Variants in GBGT1 observed in about 807,000 individuals in gnomAD.
GBGT1 encodes globoside alpha-1,3-N-acetylgalactosaminyltransferase 1.
A neutral mutation model predicts 20.9 loss-of-function variants in GBGT1; 18 were observed. The ratio of observed to expected loss-of-function variants is 0.86; its 90% CI spans 0.60 to 1.28. The LOEUF is 1.28. GBGT1 is among the 50% of genes most tolerant of loss of function. The pLI, the probability that GBGT1 is intolerant of heterozygous loss-of-function variation, is 0.00. For synonymous variants in GBGT1, 168 were observed against 180.8 expected (o/e 0.93, Z 0.57); for missense variants, 432 against 455.7 (o/e 0.95, Z 0.47).
chr9:133,158,810 CG>C (rs779274950), intron 3 of GBGT1, among the ~76,000 whole-genome samples: 2 of 152,168 alleles, frequency 1.3e-5, no homozygotes, highest in Non-Finnish European at 2.9e-5. Context: ...AAAGGAAGCT[CG>C]GTCCTCATTA....
intron 2 of GBGT1, among the ~76,000 whole-genome samples, chr9:133,162,090 CAG>C (rs975552512): frequency 6.7e-6 from 1 of 149,264 alleles, no homozygotes; most frequent in African/African-American, 2.5e-5. Context: ...TCTGCAGAGA[CAG>C]GGGGAGTCCT....
rs148054272 is a variant in GBGT1 at position 133,156,934 on chromosome 9, G to C, written c.138-869C>G. On this transcript the variant is annotated intron_variant, in intron 3 of 6. Coordinates refer to ENST00000372040, the MANE Select transcript of GBGT1 (RefSeq NM_021996.6). ...CTATATCAGTTGATTTTACATAAAA[G>C]AGAGTATCCTAGACAACCTGGGTGG... 3.5e-3 allele frequency among the ~76,000 whole-genome samples: 529 copies of C among 152,302 alleles called. 1 individual carries two copies. Among genetic ancestry groups the C allele is most frequent in the Non-Finnish European group, 6.0e-3 (406 of 68,022 alleles).
chr9:133,162,549 T>C lies in GBGT1; in HGVS notation c.-120-17A>G. 8 of 702,356 alleles carry C rather than the reference T, an allele frequency of 1.1e-5. No homozygotes were observed. The highest frequency in any genetic ancestry group is 2.3e-5 in the Admixed American group (1 of 43,598). 43.5% of individuals were successfully genotyped at this position (702,356 alleles called of 1,614,324 possible). A position where few individuals can be genotyped will look rare whatever the true frequency, so the allele number is the denominator to read the frequency against. On this transcript the variant is annotated splice_polypyrimidine_tract_variant and intron_variant, in intron 1 of 6. Transcript: ENST00000372040. ...CAGGAACACCTGCAAAGGAACACTT[T>C]TGTTGTTTTGAGATAGAGTTTCACT...
At chr9:133,161,420 G>T in intron 3 of GBGT1, 47 bp downstream of exon 3, 1 of 1,230,064 alleles carries the variant, frequency 8.1e-7, no homozygotes, top group Non-Finnish European at 1.2e-6. Flanking sequence ...CCCCAACTGT[G>T]AGCAGCCCTC....
intron 3 of GBGT1, 104 bp downstream of exon 3, chr9:133,161,363 G>A: frequency 3.1e-6 from 2 of 635,022 alleles, no homozygotes; most frequent in Non-Finnish European, 5.5e-6. Flanking sequence ...CATGAACTTA[G>A]GAATCAGGAA....
In GBGT1 at chr9:133,154,073, C is replaced by CCAGT. The variant is rs1564261987; in HGVS notation, c.547_548insACTG (p.Arg183HisfsTer12). ...AATGTGCTGGCTGATGGTCTCCATC[C>CCAGT]GGCGCATGGATGTCTCCTCCCAGTG... is the stretch of plus-strand genomic sequence containing the variant. On this transcript the variant is annotated frameshift_variant, in exon 7 of 7. Transcript: ENST00000372040. LOFTEE classifies it low-confidence loss of function (END_TRUNC). This position sits in a 1 kb window ranked among gnomAD's most constrained non-coding sequence, Gnocchi z 4.2. The CCAGT allele has an allele frequency of 6.2e-7, 1 of 1,613,456 alleles. No homozygotes were observed. The highest frequency in any genetic ancestry group is 8.5e-7 in the Non-Finnish European group (1 of 1,179,956).
At chr9:133,157,689 G>A (rs34747295) in intron 3 of GBGT1, among the ~76,000 whole-genome samples, 2,370 of 152,346 alleles carry the variant, frequency 0.016, 56 homozygotes, top group African/African-American at 0.055. Flanking sequence ...TGCCAGGGCT[G>A]TAGGGTCAGA....
At chr9:133,159,055 G>A (rs1832958621) in intron 3 of GBGT1, among the ~76,000 whole-genome samples, 1 of 151,926 alleles carries the variant, frequency 6.6e-6, no homozygotes, top group Non-Finnish European at 1.5e-5. Flanking sequence ...TAGCCTCCTG[G>A]GATCAAGTGA....
At chr9:133,159,648 G>A (rs955232213) in intron 3 of GBGT1, among the ~76,000 whole-genome samples, 1 of 151,876 alleles carries the variant, frequency 6.6e-6, no homozygotes, top group Non-Finnish European at 1.5e-5. Context: ...AAAAAAATTA[G>A]CTAGGAGGTG....
intron 5 of GBGT1, 119 bp downstream of exon 5, chr9:133,155,782 C>T (rs1198371676): frequency 9.5e-7 from 1 of 1,049,068 alleles, no homozygotes; most frequent in African/African-American, 1.6e-5. Flanking sequence ...TTTCCACAGT[C>T]CCTAACTCTC....
intron 3 of GBGT1, chr9:133,161,189 G>A: frequency 4.6e-6 from 2 of 430,804 alleles, no homozygotes; most frequent in Non-Finnish European, 8.2e-6. Context: ...TGCACTCTGT[G>A]TTCTCAGTGG....
At chr9:133,160,111 G>T in intron 3 of GBGT1, 1 of 325,124 alleles carries the variant, frequency 3.1e-6, no homozygotes, top group East Asian at 1.5e-4. Flanking sequence ...CCAACATGAT[G>T]AAATGCTGTT....
intron 2 of GBGT1, 67 bp from the exon 3 acceptor site, chr9:133,161,599 A>C: frequency 7.3e-6 from 8 of 1,099,706 alleles, no homozygotes; most frequent in Non-Finnish European, 1.1e-5. Context: ...AACGCACCTC[A>C]TGCACGTCAT....
intron 3 of GBGT1, among the ~76,000 whole-genome samples, chr9:133,158,541 C>T (rs750526293): frequency 6.8e-4 from 104 of 152,162 alleles, no homozygotes; most frequent in Non-Finnish European, 1.2e-3. Context: ...GTCTTGGCTT[C>T]CCAAAGTGCT....
rs1452956294 is a variant in GBGT1 at position 133,154,170 on chromosome 9, G to C, written c.451C>G (p.Pro151Ala). Residue 151 changes from proline (P) to alanine (A), a missense_variant, in exon 7 of 7, where the codon CCT (proline) becomes GCT (alanine). Pro to Ala is a conservative substitution (Grantham distance 27). Transcript: ENST00000372040. The surrounding 1 kb of genome is among the most constrained non-coding windows in gnomAD (Gnocchi z 4.2). ...AGCGGGACCCCGGGAACGGCTGCAG[G>C]GTTGTCAGTGAAGATGTAGTAGTGC... is the stretch of plus-strand genomic sequence containing the variant. ...RVHYYIFTDN[P>A]AAVPGVPLGP... 2.5e-6 allele frequency: 4 copies of C among 1,592,806 alleles called. No homozygotes were observed. The highest frequency in any genetic ancestry group is 2.6e-6 in the Non-Finnish European group (3 of 1,164,874).
chr9:133,161,539 A>ATT lies in GBGT1; in HGVS notation c.72-8_72-7insAA. 1 of 1,596,800 alleles carries ATT rather than the reference A, an allele frequency of 6.3e-7. No individual in the cohort carries two copies. The highest frequency in any genetic ancestry group is 1.1e-5 in the South Asian group (1 of 88,928). On this transcript the variant is annotated splice_polypyrimidine_tract_variant and splice_region_variant and intron_variant, in intron 2 of 6. Transcript: ENST00000372040. Reference sequence around the variant, plus strand: ...CCAGTTCTCAAGATACACCCTGTGAATAAAAAAAAGAAAAAAAATCTGTTG... The same window carrying ATT: ...CCAGTTCTCAAGATACACCCTGTGAATTTAAAAAAAAGAAAAAAAATCTGTTG...
Position 133,154,533 on chromosome 9 carries a change from T to C in GBGT1, c.360-272A>G. The stretch of plus-strand genomic sequence containing the variant: ...AATTTCTAAGTGCCCAGCGACGTTC[T>C]AAGAATTCTTATGATCTTTGATCTG... On this transcript the variant is annotated intron_variant, in intron 6 of 6. Coordinates refer to ENST00000372040, the MANE Select transcript of GBGT1 (RefSeq NM_021996.6). This position sits in a 1 kb window ranked among gnomAD's most constrained non-coding sequence, Gnocchi z 4.2. 2.9e-6 allele frequency: 1 copy of C among 343,250 alleles called. No individual in the cohort carries two copies. The highest frequency in any genetic ancestry group is 5.3e-6 in the Non-Finnish European group (1 of 189,398). 21.3% of individuals were successfully genotyped at this position (343,250 alleles called of 1,614,324 possible). A position where few individuals can be genotyped will look rare whatever the true frequency, so the allele number is the denominator to read the frequency against.
chr9:133,160,975 A>G, intron 3 of GBGT1: 1 of 343,932 alleles, frequency 2.9e-6, no homozygotes, highest in East Asian at 4.3e-5. Flanking sequence ...ACGCCACTGC[A>G]CTCCAGCCAG....
chr9:133,159,814 C>T lies in GBGT1; in HGVS notation c.137+1653G>A, dbSNP rs151062050. Among the ~76,000 whole-genome samples the T allele has an allele frequency of 8.2e-3, 1,244 of 151,330 alleles. 7 individuals are homozygous for T. Among genetic ancestry groups the T allele is most frequent in the Non-Finnish European group, 0.013 (866 of 67,866 alleles). ...CTTATCTCCCTCCGCCACGCACACA[C>T]ACAAGATAGACAAACTGGAAAGAAA... On this transcript the variant is annotated intron_variant, in intron 3 of 6. Coordinates refer to ENST00000372040, the MANE Select transcript of GBGT1 (RefSeq NM_021996.6).
Sources: allele counts gnomAD v4.1 joint callset (sites outside exome capture counted in the v4.1 genomes callset), GRCh38; gene constraint gnomAD v4.1.1; non-coding constraint Gnocchi (gnomAD v3.1); transcripts MANE v1.5; gene names NCBI Gene and HGNC (gene_info 2026-07-23, HGNC 2026-07-21).